Variants in LEP observed in about 807,000 individuals in gnomAD.
LEP encodes the protein leptin (murine obesity homolog).
A neutral mutation model predicts 9.8 loss-of-function variants in LEP; 6 were observed. The observed-to-expected ratio is 0.61, with a 90% CI of 0.34 to 1.21. The LOEUF is 1.21. LEP is among the 50% of genes most tolerant of loss of function. The probability of loss-of-function intolerance (pLI) is 0.04; values close to 1 mark genes in which losing one functional copy is unlikely to be tolerated. For synonymous variants in LEP, 112 were observed against 81.7 expected (o/e 1.37, Z -2.00); for missense variants, 134 against 198.1 (o/e 0.68, Z 1.94).
chr7:128,254,300 G>A, intron 2 of LEP, 104 bp from the exon 3 acceptor site: 2 of 1,477,016 alleles, frequency 1.4e-6, no homozygotes, highest in Non-Finnish European at 1.9e-6. Flanking sequence ...GTGGAAGGAG[G>A]CAGCCCAGAG....
intron 1 of LEP, among the ~76,000 whole-genome samples, chr7:128,244,259 AC>A (rs1156666750): frequency 1.4e-5 from 2 of 142,088 alleles, no homozygotes; most frequent in Non-Finnish European, 3.0e-5. Flanking sequence ...ACACACACAC[AC>A]ACACACACAC....
chr7:128,248,891 C>T (rs753585631), intron 1 of LEP, among the ~76,000 whole-genome samples: 2 of 152,216 alleles, frequency 1.3e-5, no homozygotes, highest in Non-Finnish European at 2.9e-5. Flanking sequence ...TAGCCACCAA[C>T]CATCAAACCT....
chr7:128,249,945 T>A (rs73721326), intron 1 of LEP, among the ~76,000 whole-genome samples: 6,401 of 152,326 alleles, frequency 0.042, 448 homozygotes, highest in African/African-American at 0.15. Flanking sequence ...AAGCATATTA[T>A]CAGTGGTGAT....
chr7:128,251,685 G>A (rs1316817568), intron 1 of LEP, among the ~76,000 whole-genome samples: 1 of 152,106 alleles, frequency 6.6e-6, no homozygotes, highest in Admixed American at 6.6e-5. Context: ...TCTTTCCCTC[G>A]AGCATGCAAT....
At chr7:128,249,160 A>G (rs1795246632) in intron 1 of LEP, among the ~76,000 whole-genome samples, 1 of 151,954 alleles carries the variant, frequency 6.6e-6, no homozygotes, top group African/African-American at 2.4e-5. Flanking sequence ...CTTAATGCCC[A>G]CTCTTTTCTG....
At position 128,252,167 on chromosome 7, in the gene LEP, GGA is replaced by G; in HGVS notation, c.144+9_144+10del. The G allele has an allele frequency of 6.2e-7, 1 of 1,614,162 alleles. No homozygotes were observed. Among genetic ancestry groups the G allele is most frequent in the South Asian group, 1.1e-5 (1 of 91,084 alleles). On this transcript the variant is annotated splice_donor_region_variant and intron_variant, in intron 2 of 2. Coordinates refer to ENST00000308868, the MANE Select transcript of LEP (RefSeq NM_000230.3). ...ATCAATGACATTTCACACACGGTAA[GGA>G]GAGTATGCGGGGACAAAGTAGAACT...
Position 128,256,179 on chromosome 7 carries a change from C to T in LEP, c.*1416C>T, listed in dbSNP as rs1795337493. ...GAAGAAAACTCCTTTAGCAGGTGGT[C>T]CTGAGACCTGACAAGCACTGCTAGG... On this transcript the variant is annotated 3_prime_UTR_variant, in exon 3 of 3. Transcript: ENST00000308868. 1 of 152,224 alleles carries T rather than the reference C, an allele frequency of 6.6e-6. No individual in the cohort carries two copies. Among genetic ancestry groups the T allele is most frequent in the Non-Finnish European group, 1.5e-5 (1 of 68,042 alleles). 9.4% of individuals were successfully genotyped at this position (152,224 alleles called of 1,614,324 possible).
Position 128,255,019 on chromosome 7 carries a change from A to G in LEP, c.*256A>G. The G allele has an allele frequency of 3.9e-6, 2 of 511,076 alleles. No homozygotes were observed. The highest frequency in any genetic ancestry group is 3.6e-6 in the Non-Finnish European group (1 of 280,580). 31.7% of individuals were successfully genotyped at this position (511,076 alleles called of 1,614,324 possible). A position where few individuals can be genotyped will look rare whatever the true frequency, so the allele number is the denominator to read the frequency against. On this transcript the variant is annotated 3_prime_UTR_variant, in exon 3 of 3. Transcript: ENST00000308868. ...CAGCAAAGAGTGGGCTGCATCTGGG[A>G]TTCCCACCAAGGTCTTCAGCCATCA...
Position 128,254,716 on chromosome 7 carries a change from T to A in LEP, c.457T>A (p.Ser153Thr), listed in dbSNP as rs201434410. Reference protein sequence around the residue: ...EVVALSRLQGSLQDMLWQLDL... With the variant: ...EVVALSRLQGTLQDMLWQLDL... The stretch of plus-strand genomic sequence containing the variant: ...GGTGGCCCTGAGCAGGCTGCAGGGG[T>A]CTCTGCAGGACATGCTGTGGCAGCT... The change falls in exon 3 of 3, where the codon TCT becomes ACT. Residue 153 changes from serine to threonine, a missense_variant. Transcript: ENST00000308868. 1 of 1,612,902 alleles carries A rather than the reference T, an allele frequency of 6.2e-7. No homozygotes were observed. Among genetic ancestry groups the A allele is most frequent in the Non-Finnish European group, 8.5e-7 (1 of 1,179,820 alleles).
chr7:128,243,533 G>A (rs547418773), intron 1 of LEP, among the ~76,000 whole-genome samples: 2 of 152,190 alleles, frequency 1.3e-5, no homozygotes, highest in Non-Finnish European at 1.5e-5. Flanking sequence ...GCACAGCTTA[G>A]GAAGCTGAAG....
intron 2 of LEP, among the ~76,000 whole-genome samples, 194 bp from the exon 3 acceptor site, chr7:128,254,210 G>C (rs950167659): frequency 1.3e-5 from 2 of 152,196 alleles, no homozygotes; most frequent in Non-Finnish European, 2.9e-5. Flanking sequence ...GGAAAAGCAG[G>C]AATCTCGGAG....
chr7:128,249,021 A>G (rs1350092832), intron 1 of LEP, among the ~76,000 whole-genome samples: 1 of 152,132 alleles, frequency 6.6e-6, no homozygotes, highest in Non-Finnish European at 1.5e-5. Flanking sequence ...CGCACCAACT[A>G]TTTGCTGCCT....
intron 2 of LEP, among the ~76,000 whole-genome samples, chr7:128,252,555 C>T (rs1795288060): frequency 6.6e-6 from 1 of 151,872 alleles, no homozygotes; most frequent in South Asian, 2.1e-4. Context: ...CATAGGGAGA[C>T]CCCATCTCTA....
At position 128,254,549 on chromosome 7, in the gene LEP, T is replaced by C; in HGVS notation, c.290T>C (p.Ile97Thr). The C allele has an allele frequency of 6.2e-7, 1 of 1,614,152 alleles. No individual in the cohort carries two copies. Among genetic ancestry groups the C allele is most frequent in the Non-Finnish European group, 8.5e-7 (1 of 1,180,018 alleles). The change falls in exon 3 of 3, where the codon ATA becomes ACA. Residue 97 changes from isoleucine (I) to threonine (T), a missense_variant. By Grantham distance (89) the Ile-to-Thr change is moderately conservative. Transcript: ENST00000308868. Reference sequence around the variant, plus strand: ...ATGCCTTCCAGAAACGTGATCCAAATATCCAACGACCTGGAGAACCTCCGG... The same window carrying C: ...ATGCCTTCCAGAAACGTGATCCAAACATCCAACGACCTGGAGAACCTCCGG... ...TSMPSRNVIQ[I>T]SNDLENLRDL...
In LEP at chr7:128,254,619, C is replaced by G. The variant is rs768219399; in HGVS notation, c.360C>G (p.Pro120=). 1 of 1,614,192 alleles carries G rather than the reference C, an allele frequency of 6.2e-7. No homozygotes were observed. Among genetic ancestry groups the G allele is most frequent in the African/African-American group, 1.3e-5 (1 of 75,060 alleles). Residue 120 remains proline, a synonymous_variant, in exon 3 of 3, where the codon CCC becomes CCG. Coordinates refer to ENST00000308868, the MANE Select transcript of LEP (RefSeq NM_000230.3). ...CCTTCTCTAAGAGCTGCCACTTGCC[C>G]TGGGCCAGTGGCCTGGAGACCTTGG... ...VLAFSKSCHL[P]WASGLETLDS... is the part of the protein sequence containing the mutation.
intron 1 of LEP, among the ~76,000 whole-genome samples, chr7:128,246,991 G>C (rs777304791): frequency 6.6e-6 from 1 of 152,160 alleles, no homozygotes; most frequent in Non-Finnish European, 1.5e-5. Flanking sequence ...CCCACTGTGA[G>C]CCCACCATCT....
At position 128,254,948 on chromosome 7, in the gene LEP, A is replaced by G; in HGVS notation, c.*185A>G. 1 of 669,792 alleles carries G rather than the reference A, an allele frequency of 1.5e-6. No individual in the cohort carries two copies. The highest frequency in any genetic ancestry group is 2.7e-5 in the East Asian group (1 of 36,378). The allele number at this position is 669,792 out of a possible 1,614,324, so 41.5% of individuals were successfully genotyped here. On this transcript the variant is annotated 3_prime_UTR_variant, in exon 3 of 3. Coordinates refer to ENST00000308868, the MANE Select transcript of LEP (RefSeq NM_000230.3). Reference sequence around the variant, plus strand: ...CTAAGCCTCCTTTTGCTTGAAACCAAAGATATATACACAGGATCCTATTCT... The same window carrying G: ...CTAAGCCTCCTTTTGCTTGAAACCAGAGATATATACACAGGATCCTATTCT...
At position 128,252,153 on chromosome 7, in the gene LEP, T is replaced by C; in HGVS notation, c.135T>C (p.Ile45=). Residue 45 remains isoleucine, a synonymous_variant, in exon 2 of 3, where the codon ATT becomes ATC. Coordinates refer to ENST00000308868, the MANE Select transcript of LEP (RefSeq NM_000230.3). ...CAATTGTCACCAGGATCAATGACAT[T>C]TCACACACGGTAAGGAGAGTATGCG... The part of the protein sequence containing the change: ...IKTIVTRIND[I]SHTQSVSSKQ... The C allele has an allele frequency of 6.2e-7, 1 of 1,614,140 alleles. No homozygotes were observed. Among genetic ancestry groups the C allele is most frequent in the South Asian group, 1.1e-5 (1 of 91,076 alleles).
At chr7:128,247,764 T>C (rs1287474401) in intron 1 of LEP, among the ~76,000 whole-genome samples, 1 of 152,210 alleles carries the variant, frequency 6.6e-6, no homozygotes, top group Non-Finnish European at 1.5e-5. Flanking sequence ...GCACTTTACA[T>C]GCTTTATCTC....
Sources: gnomAD v4.1 joint callset for allele counts (sites outside exome capture counted in the v4.1 genomes callset) on GRCh38, gnomAD v4.1.1 for gene constraint, MANE v1.5 for transcripts, NCBI Gene and HGNC (gene_info 2026-07-23, HGNC 2026-07-21) for gene names.